The following ROBO2 variants were observed in gnomAD, a reference collection of about 807,000 sequenced individuals.
The protein encoded by ROBO2 is roundabout homolog 2.
A neutral mutation model predicts 160.8 loss-of-function variants in ROBO2; 53 were observed. The ratio of observed to expected loss-of-function variants is 0.33; its 90% confidence interval spans 0.26 to 0.41. The LOEUF (loss-of-function observed/expected upper bound fraction) is 0.41, where lower values mean the gene tolerates loss of function less well. ROBO2 is among the 10% of genes least tolerant of loss of function. The pLI, the probability that ROBO2 is intolerant of heterozygous loss-of-function variation, is 1.00. For synonymous variants in ROBO2, 664 were observed against 611.7 expected (o/e 1.09, Z -1.26); for missense variants, 1,577 against 1,722.4 (o/e 0.92, Z 1.49).
chr3:76,747,362 T>A (rs555039110), intron 2 of ROBO2, among the ~76,000 whole-genome samples: 1 of 152,262 alleles, frequency 6.6e-6, no homozygotes, highest in East Asian at 1.9e-4. Flanking sequence ...AAAGGTATTT[T>A]TACTGACATA....
chr3:76,316,867 G>C (rs940299094), intron 2 of ROBO2, among the ~76,000 whole-genome samples: 1 of 152,124 alleles, frequency 6.6e-6, no homozygotes, highest in Admixed American at 6.6e-5. Context: ...CCTCCGTTCA[G>C]GGTCCCTGAC....
chr3:76,261,482 T>A (rs1706760241), intron 2 of ROBO2, among the ~76,000 whole-genome samples: 1 of 152,004 alleles, frequency 6.6e-6, no homozygotes, highest in Admixed American at 6.6e-5. Context: ...AAAGTTATGT[T>A]CACAATTTGG....
intron 2 of ROBO2, among the ~76,000 whole-genome samples, chr3:76,170,429 G>A (rs1301228945): frequency 6.6e-6 from 1 of 152,136 alleles, no homozygotes; most frequent in East Asian, 1.9e-4. Context: ...CTGTCTAGAA[G>A]CCCAAAACAT....
chr3:77,032,261 G>A (rs1185123674), intron 2 of ROBO2, among the ~76,000 whole-genome samples: 1 of 152,164 alleles, frequency 6.6e-6, no homozygotes, highest in East Asian at 1.9e-4. Flanking sequence ...TATCCTGGGT[G>A]ATTCTGTAGG....
intron 2 of ROBO2, among the ~76,000 whole-genome samples, chr3:75,958,232 A>G (rs1293071593): frequency 6.6e-6 from 1 of 151,830 alleles, no homozygotes; most frequent in Non-Finnish European, 1.5e-5. Flanking sequence ...CAAACTCAAG[A>G]TCTTATTCAC....
chr3:75,973,006 T>C (rs2065039283), intron 2 of ROBO2, among the ~76,000 whole-genome samples: 1 of 151,736 alleles, frequency 6.6e-6, no homozygotes, highest in Non-Finnish European at 1.5e-5. Context: ...ATTTTCAGTC[T>C]TCTAATTAGA....
At chr3:77,314,863 C>A (rs1317025033) in intron 2 of ROBO2, among the ~76,000 whole-genome samples, 1 of 152,034 alleles carries the variant, frequency 6.6e-6, no homozygotes, top group Admixed American at 6.6e-5. Context: ...TAGGGTTTGT[C>A]TTGTGAAAAA....
chr3:76,429,222 C>A (rs1322571409), intron 2 of ROBO2, among the ~76,000 whole-genome samples: 1 of 151,774 alleles, frequency 6.6e-6, no homozygotes, highest in Non-Finnish European at 1.5e-5. Flanking sequence ...GGTCTAGGAA[C>A]AATACAATGT....
intron 2 of ROBO2, among the ~76,000 whole-genome samples, chr3:76,974,400 C>T (rs965125325): frequency 1.3e-5 from 2 of 152,040 alleles, no homozygotes; most frequent in African/African-American, 4.8e-5. Context: ...GTCATAATCT[C>T]AGTAAGTCCC....
At chr3:77,123,046 A>C (rs1213329530) in intron 2 of ROBO2, among the ~76,000 whole-genome samples, 1 of 152,182 alleles carries the variant, frequency 6.6e-6, no homozygotes, top group Admixed American at 6.5e-5. Context: ...CAGCAATAAA[A>C]GCAAAGACAA....
chr3:76,701,494 AT>A (rs1489951179), intron 2 of ROBO2, among the ~76,000 whole-genome samples: 1 of 152,040 alleles, frequency 6.6e-6, no homozygotes, highest in African/African-American at 2.4e-5. Flanking sequence ...AATTAAGTTG[AT>A]TTGACAGCCC....
chr3:76,301,633 A>C (rs922043615), intron 2 of ROBO2, among the ~76,000 whole-genome samples: 1 of 152,014 alleles, frequency 6.6e-6, no homozygotes, highest in Non-Finnish European at 1.5e-5. Context: ...AAAGTTACTA[A>C]AGTTGCTTTT....
chr3:76,362,706 G>T (rs2075592173), intron 2 of ROBO2, among the ~76,000 whole-genome samples: 1 of 152,030 alleles, frequency 6.6e-6, no homozygotes, highest in Admixed American at 6.6e-5. Context: ...CAGTTTTTAG[G>T]ATCTGATCCT....
intron 6 of ROBO2, among the ~76,000 whole-genome samples, chr3:77,524,111 G>C (rs1460225511): frequency 1.3e-5 from 2 of 151,182 alleles, no homozygotes; most frequent in Non-Finnish European, 3.0e-5. Flanking sequence ...AAATATTGGT[G>C]CTTTTCATAC....
intron 2 of ROBO2, among the ~76,000 whole-genome samples, chr3:76,551,486 T>C (rs906884046): frequency 1.3e-5 from 2 of 151,998 alleles, no homozygotes; most frequent in Non-Finnish European, 2.9e-5. Flanking sequence ...ACCCACCTAA[T>C]GGCAGGACTG....
intron 2 of ROBO2, among the ~76,000 whole-genome samples, chr3:76,599,018 C>A (rs12629503): frequency 0.25 from 38,217 of 151,954 alleles, 5,983 homozygotes; most frequent in South Asian, 0.38. Flanking sequence ...TCTTTAATTA[C>A]GTTCTACATG....
intron 2 of ROBO2, among the ~76,000 whole-genome samples, chr3:75,982,164 G>C (rs978912271): frequency 6.6e-6 from 1 of 151,114 alleles, no homozygotes; most frequent in African/African-American, 2.4e-5. Flanking sequence ...TTCTTTATCC[G>C]TTCTTCTGCT....
intron 2 of ROBO2, among the ~76,000 whole-genome samples, chr3:77,213,858 G>C (rs770218827): frequency 3.9e-5 from 6 of 152,084 alleles, no homozygotes; most frequent in Non-Finnish European, 8.8e-5. Flanking sequence ...TTCAGGAGCA[G>C]GTTGTTTGGT....
At chr3:77,453,355 A>G (rs1000863582) in intron 2 of ROBO2, among the ~76,000 whole-genome samples, 3 of 149,978 alleles carry the variant, frequency 2.0e-5, no homozygotes, top group African/African-American at 4.9e-5. Flanking sequence ...ATTGATTCCT[A>G]TTAGTCACAA....
Sources: allele counts gnomAD v4.1 joint callset (sites outside exome capture counted in the v4.1 genomes callset), GRCh38; gene constraint gnomAD v4.1.1; transcripts MANE v1.5; gene names NCBI Gene and HGNC (gene_info 2026-07-23, HGNC 2026-07-21).